AARS1: variants seen among roughly 807,000 people sequenced by gnomAD.
AARS1 encodes alanyl-tRNA synthetase 1.
In AARS1, 72 loss-of-function variants were observed where a neutral mutation model predicts 108.9. The observed-to-expected ratio is 0.66, with a 90% CI of 0.55 to 0.80. The LOEUF (loss-of-function observed/expected upper bound fraction) is 0.80, where lower values mean the gene tolerates loss of function less well. Ranked by LOEUF, AARS1 falls within the 30% of genes least tolerant of loss-of-function variation. The pLI, the probability that AARS1 is intolerant of heterozygous loss-of-function variation, is 0.00. For missense variants in AARS1, 1,193 were observed against 1,233.2 expected (o/e 0.97, Z 0.49); for synonymous variants, 489 against 465.7 (o/e 1.05, Z -0.64).
chr16:70,265,813 C>G (rs1960249061), intron 9 of AARS1, 151 bp from the exon 10 acceptor site: 1 of 938,670 alleles, frequency 1.1e-6, no homozygotes, highest in African/African-American at 1.6e-5. Flanking sequence ...TCCAGCACAT[C>G]TTTTTCAGTT....
chr16:70,277,983 C>A (rs937568788), intron 2 of AARS1, among the ~76,000 whole-genome samples: 2 of 152,050 alleles, frequency 1.3e-5, no homozygotes, highest in East Asian at 3.9e-4. Context: ...GAACACCTAA[C>A]CCCAAGTGAT....
intron 2 of AARS1, among the ~76,000 whole-genome samples, chr16:70,278,446 T>C (rs60426209): frequency 0.071 from 10,785 of 151,560 alleles, 1,288 homozygotes; most frequent in African/African-American, 0.25. Flanking sequence ...ACGCCTGTAA[T>C]TCCAGCTACT....
Position 70,271,794 on chromosome 16 carries a change from T to G in AARS1, c.658A>C (p.Ile220Leu). ...ACCCAAGGCTACCTGTTATACTGGA[T>G]GAACACAAGGTTCCAGATCTCCAGC... ...NVLEIWNLVF[I>L]QYNREADGIL... is the part of the protein sequence containing the mutation. Residue 220 changes from isoleucine to leucine, a missense_variant, in exon 5 of 21, where the codon ATC becomes CTC. Physicochemically the swap from Ile to Leu is conservative, Grantham distance 5. Transcript: ENST00000261772. 6.2e-7 allele frequency: 1 copy of G among 1,613,852 alleles called. No individual in the cohort carries two copies. The highest frequency in any genetic ancestry group is 1.7e-4 in the Middle Eastern group (1 of 6,058).
intron 5 of AARS1, among the ~76,000 whole-genome samples, chr16:70,271,553 A>C (rs965048028): frequency 6.6e-6 from 1 of 152,054 alleles, no homozygotes; most frequent in African/African-American, 2.4e-5. Context: ...AAAAAACAGC[A>C]GCCCGAAGTA....
chr16:70,253,944 G>A lies in AARS1; in HGVS notation c.2495C>T (p.Ala832Val), dbSNP rs2152150203. Residue 832 changes from alanine to valine, a missense_variant, in exon 18 of 21, where the codon GCC becomes GTC. Coordinates refer to ENST00000261772, the MANE Select transcript of AARS1 (RefSeq NM_001605.3). ...TCGTTTCTGGACATCGGCTTTGCTG[G>A]CTCGGTCCAAGTCATCCATGACCTT... ...LKKVMDDLDR[A>V]SKADVQKRVL... The A allele has an allele frequency of 6.2e-7, 1 of 1,614,204 alleles. No homozygotes were observed. The highest frequency in any genetic ancestry group is 8.5e-7 in the Non-Finnish European group (1 of 1,180,046).
At position 70,273,905 on chromosome 16, in the gene AARS1, C is replaced by T. The variant is rs1368522045; in HGVS notation, c.480-1933G>A. The stretch of plus-strand genomic sequence containing the variant: ...AAAAAAAAATTAGCCAGGCAGGTGG[C>T]GAATGCTTCTAGTCCTAGTTACTCG... On this transcript the variant is annotated intron_variant, in intron 4 of 20. Coordinates refer to ENST00000261772, the MANE Select transcript of AARS1 (RefSeq NM_001605.3). 3.5e-5 allele frequency among the ~76,000 whole-genome samples: 5 copies of T among 144,838 alleles called. No homozygotes were observed. In the East Asian group the frequency reaches 6.1e-4, roughly 18 times the overall value.
At chr16:70,283,648 A>C (rs1189511792) in intron 1 of AARS1, among the ~76,000 whole-genome samples, 2 of 152,126 alleles carry the variant, frequency 1.3e-5, no homozygotes, top group Admixed American at 6.6e-5. Context: ...CAGGGTCTCT[A>C]GGTTTGGCCT....
At chr16:70,275,936 C>CAAAAAAAAAAAAAAAAAAAA (rs59002209) in intron 4 of AARS1, 1 of 37,924 alleles carries the variant, frequency 2.6e-5, no homozygotes, top group African/African-American at 1.1e-4. Flanking sequence ...GACTCCATCT[C>CAAAAAAAAAAAAAAAAAAAA]AAAAAAAAAA....
At position 70,253,204 on chromosome 16, in the gene AARS1, C is replaced by T. The variant is rs1959886730; in HGVS notation, c.2721+64G>A. On this transcript the variant is annotated intron_variant, in intron 20 of 20. Coordinates refer to ENST00000261772, the MANE Select transcript of AARS1 (RefSeq NM_001605.3). ...GGCTGTTTCGAATGCAGGCTGTACA[C>T]ACACAGGCCTCAGCCAACAACCTTA... 3 of 1,362,082 alleles carry T rather than the reference C, an allele frequency of 2.2e-6. No homozygotes were observed. In the East Asian group the frequency reaches 6.9e-5, roughly 31 times the overall value. 84.4% of individuals were successfully genotyped at this position (1,362,082 alleles called of 1,614,324 possible).
intron 2 of AARS1, among the ~76,000 whole-genome samples, chr16:70,277,409 G>C (rs575480411): frequency 2.6e-5 from 4 of 152,286 alleles, no homozygotes; most frequent in South Asian, 2.1e-4. Flanking sequence ...GAGGGGAAAG[G>C]CCTGCCAGAT....
intron 1 of AARS1, among the ~76,000 whole-genome samples, chr16:70,283,935 G>C (rs546213850): frequency 6.6e-6 from 1 of 152,190 alleles, no homozygotes; most frequent in Non-Finnish European, 1.5e-5. Flanking sequence ...TCACAAGTTG[G>C]GCGCGGTGGC....
At chr16:70,268,063 A>T (rs1960307873) in intron 8 of AARS1, among the ~76,000 whole-genome samples, 1 of 152,074 alleles carries the variant, frequency 6.6e-6, no homozygotes, top group Non-Finnish European at 1.5e-5. Flanking sequence ...AGCTATTCGG[A>T]AGGCTGAGAC....
chr16:70,276,899 C>A, intron 3 of AARS1, 67 bp downstream of exon 3: 1 of 1,553,196 alleles, frequency 6.4e-7, no homozygotes, highest in East Asian at 2.2e-5. Context: ...AAAATTAGAA[C>A]CCAGTTCCCA....
In AARS1 at chr16:70,262,221, C is replaced by T. The variant is rs976376434; in HGVS notation, c.1671+125G>A. 14 of 1,196,214 alleles carry T rather than the reference C, an allele frequency of 1.2e-5. No individual in the cohort carries two copies. In the East Asian group the frequency reaches 3.3e-4, roughly 28 times the overall value. The allele number at this position is 1,196,214 out of a possible 1,614,324, so 74.1% of individuals were successfully genotyped here. A position where few individuals can be genotyped will look rare whatever the true frequency, so the allele number is the denominator to read the frequency against. ...AACAGCTCCCTCGGCTTCAGAAATA[C>T]CATGGAACCCAACCCAAAGGTGTGT... On this transcript the variant is annotated intron_variant, in intron 12 of 20. Transcript: ENST00000261772.
At chr16:70,253,203 A>G in intron 20 of AARS1, 65 bp downstream of exon 20, 1 of 1,343,694 alleles carries the variant, frequency 7.4e-7, no homozygotes, top group Non-Finnish European at 1.1e-6. Flanking sequence ...CAGGCTGTAC[A>G]CACACAGGCC....
chr16:70,272,981 T>C (rs1284547614), intron 4 of AARS1, among the ~76,000 whole-genome samples: 1 of 151,374 alleles, frequency 6.6e-6, no homozygotes, highest in Non-Finnish European at 1.5e-5. Flanking sequence ...AGATATACAG[T>C]ACATGAAGTC....
intron 1 of AARS1, among the ~76,000 whole-genome samples, chr16:70,287,254 C>CAA (rs71151181): frequency 0.039 from 1,536 of 39,336 alleles, 47 homozygotes; most frequent in Non-Finnish European, 0.044. Context: ...GACTCCGTCT[C>CAA]AAAAAAAAAA....
chr16:70,255,095 G>A (rs1296877093), intron 16 of AARS1, among the ~76,000 whole-genome samples: 1 of 152,008 alleles, frequency 6.6e-6, no homozygotes, highest in African/African-American at 2.4e-5. Flanking sequence ...CACGCCCCTA[G>A]GAGTACATGG....
chr16:70,255,254 C>T (rs11862150), intron 16 of AARS1, among the ~76,000 whole-genome samples: 9,014 of 144,620 alleles, frequency 0.062, 993 homozygotes, highest in African/African-American at 0.22. Flanking sequence ...AGCTGGAACG[C>T]AGTGGTGCGA....
Sources: allele counts gnomAD v4.1 joint callset (sites outside exome capture counted in the v4.1 genomes callset), GRCh38; gene constraint gnomAD v4.1.1; transcripts MANE v1.5; gene names NCBI Gene and HGNC (gene_info 2026-07-23, HGNC 2026-07-21).